Variants in ZNF446 observed in about 807,000 individuals in gnomAD.
ZNF446 encodes the protein zinc finger protein 446, also known as zinc finger protein with KRAB and SCAN domains 20.
Under a neutral mutation model 34.0 loss-of-function variants are expected in ZNF446, and 42 were observed. That is an observed-to-expected ratio of 1.23 (90% confidence interval 0.96 to 1.60). ZNF446 has a LOEUF of 1.60. Among genes scored for constraint, ZNF446 ranks in the 40% most tolerant of loss-of-function variants. The pLI is 0.00. For missense variants in ZNF446, 650 were observed against 600.2 expected (o/e 1.08, Z -0.87); for synonymous variants, 315 against 251.0 (o/e 1.25, Z -2.41).
the ZNF446 span, among the ~76,000 whole-genome samples, chr19:58,488,546 C>T: frequency 7.7e-6 from 1 of 130,308 alleles, no homozygotes; most frequent in Non-Finnish European, 1.6e-5. Flanking sequence ...ATAAACATGA[C>T]TATGATAAAA....
chr19:58,477,842 C>T lies in ZNF446; in HGVS notation c.532+16C>T. The T allele has an allele frequency of 6.6e-7, 1 of 1,522,862 alleles. No homozygotes were observed. Among genetic ancestry groups the T allele is most frequent in the Non-Finnish European group, 8.8e-7 (1 of 1,138,348 alleles). The allele number at this position is 1,522,862 out of a possible 1,614,324, so 94.3% of individuals were successfully genotyped here. A position where few individuals can be genotyped will look rare whatever the true frequency, so the allele number is the denominator to read the frequency against. On this transcript the variant is annotated intron_variant, in intron 3 of 6. Coordinates refer to ENST00000594369, the MANE Select transcript of ZNF446 (RefSeq NM_017908.4). ...CAGGAAGTGGGTGAGGTTGGGGTCCCACCAGAGATGAGGGACTCCTGGAGG... is the reference window on the plus strand; with the variant it reads ...CAGGAAGTGGGTGAGGTTGGGGTCCTACCAGAGATGAGGGACTCCTGGAGG...
downstream of ZNF446, among the ~76,000 whole-genome samples, chr19:58,486,088 CTTTT>C (rs71190045): frequency 4.8e-5 from 4 of 83,334 alleles, no homozygotes; most frequent in African/African-American, 2.0e-4. Context: ...AGCTAACTTT[CTTTT>C]TTTTTTTTTT....
downstream of ZNF446, among the ~76,000 whole-genome samples, chr19:58,482,019 C>T (rs1164939778): frequency 6.6e-6 from 1 of 152,160 alleles, no homozygotes; most frequent in African/African-American, 2.4e-5. Flanking sequence ...TGGTCTCGAT[C>T]TCCTGACCTC....
chr19:58,477,715 T>C lies in ZNF446; in HGVS notation c.421T>C (p.Ser141Pro). The C allele has an allele frequency of 6.2e-7, 1 of 1,613,790 alleles. No individual in the cohort carries two copies. The highest frequency in any genetic ancestry group is 8.5e-7 in the Non-Finnish European group (1 of 1,179,956). Reference protein sequence around the residue: ...TEEPLGSPHPSGTVESPGEGP... With the variant: ...TEEPLGSPHPPGTVESPGEGP... ...GGAACCACTTGGGAGCCCCCACCCC[T>C]CAGGGACAGTGGAGTCCCCTGGGGA... The change falls in exon 3 of 7, where the codon TCA becomes CCA. Residue 141 changes from serine (S) to proline (P), a missense_variant. Physicochemically the swap from Ser to Pro is moderately conservative, Grantham distance 74. Transcript: ENST00000594369.
chr19:58,485,904 A>T (rs1317669561), downstream of ZNF446, among the ~76,000 whole-genome samples: 9 of 151,772 alleles, frequency 5.9e-5, no homozygotes, highest in Non-Finnish European at 4.4e-5. Flanking sequence ...AATATCAGGA[A>T]AATGTAAAAC....
At chr19:58,482,221 C>T (rs112327265), downstream of ZNF446, among the ~76,000 whole-genome samples, 9 of 152,042 alleles carry the variant, frequency 5.9e-5, no homozygotes, top group Non-Finnish European at 1.2e-4. Context: ...TCCATTCCTC[C>T]GTCTTCAAAG....
intron 5 of ZNF446, 76 bp downstream of exon 5, chr19:58,479,803 G>C (rs770604827): frequency 2.2e-5 from 34 of 1,527,362 alleles, no homozygotes; most frequent in Non-Finnish European, 2.7e-5. Flanking sequence ...AGCTGGGCAG[G>C]GCCTCTGTGC....
chr19:58,479,557 C>A, intron 4 of ZNF446, 86 bp from the exon 5 acceptor site: 2 of 1,450,952 alleles, frequency 1.4e-6, no homozygotes, highest in Non-Finnish European at 1.9e-6. Context: ...AACCTGCTGA[C>A]TCTTCCGGGT....
chr19:58,483,174 T>C (rs1381830771), downstream of ZNF446, among the ~76,000 whole-genome samples: 5 of 133,432 alleles, frequency 3.7e-5, no homozygotes, highest in East Asian at 1.0e-3. Flanking sequence ...AGTGAGACCT[T>C]GTCTCCAAAA....
At chr19:58,481,854 C>T (rs2053142577), downstream of ZNF446, among the ~76,000 whole-genome samples, 1 of 152,156 alleles carries the variant, frequency 6.6e-6, no homozygotes, top group Non-Finnish European at 1.5e-5. Flanking sequence ...AGTGCGGTGG[C>T]ACAATCTCGG....
chr19:58,482,095 A>C (rs893929209), downstream of ZNF446, among the ~76,000 whole-genome samples: 2 of 152,156 alleles, frequency 1.3e-5, no homozygotes, highest in African/African-American at 4.8e-5. Context: ...CGCCCGGCCA[A>C]AATCAAGGTT....
the ZNF446 span, among the ~76,000 whole-genome samples, chr19:58,487,682 G>C: frequency 6.6e-6 from 1 of 151,790 alleles, no homozygotes; most frequent in Non-Finnish European, 1.5e-5. Context: ...GATGGTGGGC[G>C]CCTGTAATCC....
At chr19:58,482,824 C>T (rs144297720), downstream of ZNF446, among the ~76,000 whole-genome samples, 7 of 152,292 alleles carry the variant, frequency 4.6e-5, no homozygotes, top group East Asian at 1.4e-3. Flanking sequence ...GAAGACAGAG[C>T]AGTACCCAGG....
the ZNF446 span, among the ~76,000 whole-genome samples, chr19:58,489,531 G>A: frequency 6.6e-6 from 1 of 152,082 alleles, no homozygotes; most frequent in Non-Finnish European, 1.5e-5. Context: ...CTTGTCTCCC[G>A]CACAGCTGGC....
chr19:58,486,101 T>C (rs989372627), downstream of ZNF446, among the ~76,000 whole-genome samples: 5 of 146,134 alleles, frequency 3.4e-5, no homozygotes, highest in African/African-American at 7.6e-5. Flanking sequence ...TTTTTTTTTT[T>C]TTTTTTTTTT....
chr19:58,486,673 T>C, the ZNF446 span, among the ~76,000 whole-genome samples: 1 of 148,876 alleles, frequency 6.7e-6, no homozygotes. Flanking sequence ...CTCCCCAAAG[T>C]GCTGGGATTA....
rs201395980 is a variant in ZNF446 at position 58,480,613 on chromosome 19, C to T, written c.1240C>T (p.Arg414Cys). ...CTGGAAGTCGCAGCTGGTCATCCAC[C>T]GCAAGAGCCACACAGGCCAGCGGCG... ...FSWKSQLVIH[R>C]KSHTGQRRHF... The change falls in exon 7 of 7, where the codon CGC (arginine) becomes TGC (cysteine). Residue 414 changes from arginine to cysteine, a missense_variant. Arg to Cys is a radical substitution (Grantham distance 180, BLOSUM62 -3). Coordinates refer to ENST00000594369, the MANE Select transcript of ZNF446 (RefSeq NM_017908.4). This position sits in a 1 kb window ranked among gnomAD's most constrained non-coding sequence, Gnocchi z 7.2. 288 of 1,612,644 alleles carry T rather than the reference C, an allele frequency of 1.8e-4. 1 individual carries two copies. The highest frequency in any genetic ancestry group is 3.3e-4 in the Middle Eastern group (2 of 6,060).
At chr19:58,485,146 C>G (rs572388488), downstream of ZNF446, among the ~76,000 whole-genome samples, 1 of 151,990 alleles carries the variant, frequency 6.6e-6, no homozygotes, top group East Asian at 1.9e-4. Flanking sequence ...TTGGAAAAAA[C>G]GACAAGTAGG....
chr19:58,481,843 C>G (rs1037912456), downstream of ZNF446, among the ~76,000 whole-genome samples: 5 of 152,126 alleles, frequency 3.3e-5, no homozygotes, highest in Non-Finnish European at 7.4e-5. Flanking sequence ...GCCCAGGCTG[C>G]AGTGCGGTGG....
Sources: allele counts gnomAD v4.1 joint callset (sites outside exome capture counted in the v4.1 genomes callset), GRCh38; gene constraint gnomAD v4.1.1; non-coding constraint Gnocchi (gnomAD v3.1); transcripts MANE v1.5; gene names NCBI Gene and HGNC (gene_info 2026-07-23, HGNC 2026-07-21).